MTMR7: variants seen among roughly 807,000 people sequenced by gnomAD.
The protein encoded by MTMR7 is phosphatidylinositol-3-phosphate phosphatase MTMR7.
MTMR7 carries 76 observed loss-of-function variants against 81.2 expected under a neutral mutation model. That is an observed-to-expected ratio of 0.94 (90% CI 0.78 to 1.13). The LOEUF (loss-of-function observed/expected upper bound fraction) is 1.13. Among genes scored for constraint, MTMR7 ranks in the 50% most tolerant of loss-of-function variants. The pLI, the probability that MTMR7 is intolerant of heterozygous loss-of-function variation, is 0.00. For missense variants in MTMR7, 1,044 were observed against 820.0 expected (o/e 1.27, Z -3.34); for synonymous variants, 372 against 289.8 (o/e 1.28, Z -2.88).
chr8:17,356,799 G>A (rs1819903093), intron 4 of MTMR7, among the ~76,000 whole-genome samples: 1 of 152,118 alleles, frequency 6.6e-6, no homozygotes, highest in Non-Finnish European at 1.5e-5. Context: ...GTGGCACTGT[G>A]GGATCAACAA....
chr8:17,341,216 A>T, intron 6 of MTMR7, 147 bp downstream of exon 6: 1 of 967,766 alleles, frequency 1.0e-6, no homozygotes, highest in Non-Finnish European at 1.5e-6. Context: ...AGTAGCCAGC[A>T]GGGTGCCCAG....
chr8:17,396,500 G>C (rs1261921513), intron 1 of MTMR7, among the ~76,000 whole-genome samples: 1 of 152,196 alleles, frequency 6.6e-6, no homozygotes, highest in Non-Finnish European at 1.5e-5. Flanking sequence ...CCATAGCAAA[G>C]CAAAGATGTG....
chr8:17,302,174 C>A lies in MTMR7; in HGVS notation c.1600G>T (p.Glu534Ter). ...CTTACTTCTTCCAGGGCCTCTAGTT[C>A]TTCCTCTAGCTGCTGAGTTTCTTCC... ...VKEETQQLEE[E>*]LEALEERLEK... Residue 534 changes from glutamate to a stop codon, truncating the protein, a stop_gained, in exon 13 of 14, where the codon GAA becomes TAA. Transcript: ENST00000180173. LOFTEE classifies it high-confidence loss of function. 1 of 1,614,134 alleles carries A rather than the reference C, an allele frequency of 6.2e-7. No homozygotes were observed. The highest frequency in any genetic ancestry group is 8.5e-7 in the Non-Finnish European group (1 of 1,179,992).
At position 17,347,685 on chromosome 8, in the gene MTMR7, T is replaced by G. The variant is rs564322754; in HGVS notation, c.597+1268A>C. On this transcript the variant is annotated intron_variant, in intron 5 of 13. Transcript: ENST00000180173. Reference sequence around the variant, plus strand: ...TTTAAAGGTGGTTTTTTGCTACCTTTTAAAAGTGGGTGCCAAAGACCATTC... The same window carrying G: ...TTTAAAGGTGGTTTTTTGCTACCTTGTAAAAGTGGGTGCCAAAGACCATTC... Among the ~76,000 whole-genome samples the G allele has an allele frequency of 9.2e-5, 14 of 152,328 alleles. 1 individual carries two copies. In the South Asian group the frequency reaches 2.9e-3, roughly 32 times the overall value.
chr8:17,374,188 T>C (rs999628000), intron 1 of MTMR7, among the ~76,000 whole-genome samples: 1 of 152,184 alleles, frequency 6.6e-6, no homozygotes. Context: ...CATTCTTCAG[T>C]TTAAATAGAA....
chr8:17,413,120 A>T, intron 1 of MTMR7, 149 bp downstream of exon 1: 2 of 877,884 alleles, frequency 2.3e-6, no homozygotes, highest in Admixed American at 4.3e-5. Flanking sequence ...GCACCCCGGG[A>T]TGCTCAGGCA....
At chr8:17,389,848 T>C (rs750080903) in intron 1 of MTMR7, among the ~76,000 whole-genome samples, 1 of 152,040 alleles carries the variant, frequency 6.6e-6, no homozygotes, top group Non-Finnish European at 1.5e-5. Context: ...AAAAACATGT[T>C]TGTTGAAAGA....
At position 17,395,178 on chromosome 8, in the gene MTMR7, T is replaced by G. The variant is rs1043298117; in HGVS notation, c.24+18091A>C. Among the ~76,000 whole-genome samples the G allele has an allele frequency of 3.9e-5, 6 of 152,358 alleles. No individual in the cohort carries two copies. The East Asian group carries it at 1.2e-3, about 29-fold the overall frequency. ...TGGAATCATACATTATCTGTCCTTTTTTTGTCTGGCTTATTTCACTTGTCT... is the reference window on the plus strand; with the variant it reads ...TGGAATCATACATTATCTGTCCTTTGTTTGTCTGGCTTATTTCACTTGTCT... On this transcript the variant is annotated intron_variant, in intron 1 of 13. Coordinates refer to ENST00000180173, the MANE Select transcript of MTMR7 (RefSeq NM_004686.5).
intron 4 of MTMR7, among the ~76,000 whole-genome samples, chr8:17,360,244 T>C (rs1820018512): frequency 6.6e-6 from 1 of 152,162 alleles, no homozygotes; most frequent in African/African-American, 2.4e-5. Context: ...AAAAAATTAA[T>C]ATACACATTA....
intron 4 of MTMR7, among the ~76,000 whole-genome samples, chr8:17,356,994 C>T (rs1293514359): frequency 6.6e-6 from 1 of 151,978 alleles, no homozygotes; most frequent in East Asian, 1.9e-4. Flanking sequence ...TAAGTAGAAA[C>T]ACAATATACT....
Position 17,329,390 on chromosome 8 carries a change from G to A in MTMR7, c.865+1760C>T, listed in dbSNP as rs560736914. Among the ~76,000 whole-genome samples, 9 of 152,306 alleles carry A rather than the reference G, an allele frequency of 5.9e-5. No homozygotes were observed. The South Asian group carries it at 1.5e-3, about 25-fold the overall frequency. On this transcript the variant is annotated intron_variant, in intron 7 of 13. Transcript: ENST00000180173. Reference sequence around the variant, plus strand: ...CACTGCACGTAGCTGGAAAAGTTACGTGCAAGCACCATGTTCCCTTATGAA... The same window carrying A: ...CACTGCACGTAGCTGGAAAAGTTACATGCAAGCACCATGTTCCCTTATGAA...
intron 1 of MTMR7, among the ~76,000 whole-genome samples, chr8:17,374,306 T>G (rs1820506033): frequency 6.6e-6 from 1 of 152,072 alleles, no homozygotes; most frequent in Admixed American, 6.6e-5. Flanking sequence ...GCCAACGTGG[T>G]GAAATCCCAC....
intron 1 of MTMR7, among the ~76,000 whole-genome samples, chr8:17,405,857 CACACACACACACACACACACA>C (rs755304808): frequency 0.02 from 1,998 of 101,252 alleles, 46 homozygotes; most frequent in African/African-American, 0.053. Flanking sequence ...CACACACACA[CACACACACACACACACACACA>C]CCACAGAGAA....
intron 4 of MTMR7, among the ~76,000 whole-genome samples, chr8:17,351,575 A>G (rs1819729054): frequency 6.6e-6 from 1 of 152,238 alleles, no homozygotes; most frequent in Non-Finnish European, 1.5e-5. Flanking sequence ...GCCAGGACAA[A>G]GAGCTCAACA....
intron 13 of MTMR7, among the ~76,000 whole-genome samples, chr8:17,300,541 T>C (rs756399967): frequency 1.3e-5 from 2 of 152,206 alleles, no homozygotes; most frequent in Non-Finnish European, 2.9e-5. Context: ...ATGAGTCTCA[T>C]CCCATGAACT....
rs940338494 is a variant in MTMR7 at position 17,298,570 on chromosome 8, T to C, written c.*1292A>G. On this transcript the variant is annotated 3_prime_UTR_variant, in exon 14 of 14. Transcript: ENST00000180173. ...TAAAAAAAATCAGATATTCAAAATA[T>C]TGATGTAAATTGTAAAGTTTAAATT... 2 of 152,560 alleles carry C rather than the reference T, an allele frequency of 1.3e-5. No individual in the cohort carries two copies. Among genetic ancestry groups the C allele is most frequent in the Admixed American group, 6.5e-5 (1 of 15,268 alleles). The allele number at this position is 152,560 out of a possible 1,614,324, so 9.5% of individuals were successfully genotyped here.
chr8:17,333,409 C>A (rs574447446), intron 6 of MTMR7, among the ~76,000 whole-genome samples: 1 of 152,204 alleles, frequency 6.6e-6, no homozygotes, highest in South Asian at 2.1e-4. Flanking sequence ...TTGGTTTATC[C>A]TTTATAACAA....
chr8:17,331,724 AAC>A (rs1039944457), intron 6 of MTMR7, among the ~76,000 whole-genome samples: 3 of 152,214 alleles, frequency 2.0e-5, no homozygotes, highest in African/African-American at 4.8e-5. Context: ...ATTGCCAATA[AAC>A]ACGTTATCAA....
rs530262407 is a variant in MTMR7, at chr8:17,400,000, T to C, written c.24+13269A>G. On this transcript the variant is annotated intron_variant, in intron 1 of 13. Coordinates refer to ENST00000180173, the MANE Select transcript of MTMR7 (RefSeq NM_004686.5). Reference sequence around the variant, plus strand: ...CATTTCTATATACATTTTAAAGATTTTTGATGCTGTTTGTATGCTTTTCTC... The same window carrying C: ...CATTTCTATATACATTTTAAAGATTCTTGATGCTGTTTGTATGCTTTTCTC... Among the ~76,000 whole-genome samples, 3 of 152,280 alleles carry C rather than the reference T, an allele frequency of 2.0e-5. No individual in the cohort carries two copies. The East Asian group carries it at 5.8e-4, about 29-fold the overall frequency.
Sources: gnomAD v4.1 joint callset for allele counts (sites outside exome capture counted in the v4.1 genomes callset) on GRCh38, gnomAD v4.1.1 for gene constraint, MANE v1.5 for transcripts, NCBI Gene and HGNC (gene_info 2026-07-23, HGNC 2026-07-21) for gene names.